The following WARS1 variants were observed in gnomAD, a reference collection of about 807,000 sequenced individuals.
WARS1 encodes the protein tryptophanyl-tRNA synthetase 1.
Under a neutral mutation model 47.8 loss-of-function variants are expected in WARS1, and 17 were observed. That is an observed-to-expected ratio of 0.36 (90% CI 0.24 to 0.53). The LOEUF (loss-of-function observed/expected upper bound fraction) is 0.53. Ranked by LOEUF, WARS1 falls within the 20% of genes least tolerant of loss-of-function variation. The pLI is 0.91. For missense variants in WARS1, 434 were observed against 608.0 expected (o/e 0.71, Z 3.01); for synonymous variants, 208 against 228.1 (o/e 0.91, Z 0.79).
chr14:100,353,331 A>C (rs1312715652), intron 6 of WARS1, among the ~76,000 whole-genome samples: 1 of 151,892 alleles, frequency 6.6e-6, no homozygotes, highest in Non-Finnish European at 1.5e-5. Context: ...ACTCACTGTA[A>C]CCTCCACCTC....
intron 7 of WARS1, 33 bp from the exon 8 acceptor site, chr14:100,343,420 G>A (rs1425656368): frequency 1.3e-6 from 2 of 1,532,004 alleles, no homozygotes; most frequent in Non-Finnish European, 1.8e-6. Context: ...TTACACGTGA[G>A]ATGAGTTCCT....
intron 2 of WARS1, among the ~76,000 whole-genome samples, chr14:100,367,126 G>A (rs1244812174): frequency 6.6e-6 from 1 of 152,028 alleles, no homozygotes; most frequent in Non-Finnish European, 1.5e-5. Flanking sequence ...AAACTTCAGG[G>A]AGCATACATG....
At chr14:100,357,876 C>T (rs1429170537) in intron 4 of WARS1, among the ~76,000 whole-genome samples, 3 of 152,050 alleles carry the variant, frequency 2.0e-5, no homozygotes, top group Admixed American at 6.5e-5. Context: ...CAAAGAAGTG[C>T]AAAACCTATA....
Position 100,361,775 on chromosome 14 carries a change from C to T in WARS1, c.246G>A (p.Glu82=). Residue 82 remains glutamate, a synonymous_variant, in exon 3 of 11, where the codon GAG becomes GAA. Coordinates refer to ENST00000392882, the MANE Select transcript of WARS1 (RefSeq NM_004184.4). ...GTACTGTCCATGGGTCCACAAAATC[C>T]TCTTCAGCTTCTGTGGCATCTGGGC... The part of the protein sequence containing the change: ...NHGPDATEAE[E]DFVDPWTVQT... The T allele has an allele frequency of 6.2e-7, 1 of 1,614,170 alleles. No individual in the cohort carries two copies. The highest frequency in any genetic ancestry group is 1.1e-5 in the South Asian group (1 of 91,084).
intron 9 of WARS1, among the ~76,000 whole-genome samples, chr14:100,337,825 G>A (rs1413548413): frequency 6.6e-6 from 1 of 151,942 alleles, no homozygotes; most frequent in African/African-American, 2.4e-5. Flanking sequence ...ATCACTGCAC[G>A]CCAGCCTCGG....
intron 7 of WARS1, 89 bp downstream of exon 7, chr14:100,346,657 A>T: frequency 9.2e-7 from 1 of 1,085,742 alleles, no homozygotes; most frequent in South Asian, 1.3e-5. Flanking sequence ...CATCTCAGAG[A>T]TATTTAAACC....
chr14:100,341,068 C>T (rs1595409503), intron 9 of WARS1, among the ~76,000 whole-genome samples: 1 of 152,096 alleles, frequency 6.6e-6, no homozygotes, highest in South Asian at 2.1e-4. Context: ...GTGCCTGCCA[C>T]CAAGCCTGGT....
At chr14:100,346,934 G>T in intron 6 of WARS1, 88 bp from the exon 7 acceptor site, 1 of 1,170,378 alleles carries the variant, frequency 8.5e-7, no homozygotes, top group Non-Finnish European at 1.3e-6. Flanking sequence ...ATGCCAATGA[G>T]TAGTGGCATG....
chr14:100,342,592 C>T (rs779267052), intron 8 of WARS1, 21 bp from the exon 9 acceptor site: 1 of 1,590,786 alleles, frequency 6.3e-7, no homozygotes, highest in Non-Finnish European at 8.6e-7. Context: ...AGTAAGGACC[C>T]TGATGAGGGC....
intron 7 of WARS1, among the ~76,000 whole-genome samples, chr14:100,345,829 G>A (rs930810219): frequency 4.6e-5 from 7 of 152,222 alleles, no homozygotes; most frequent in Admixed American, 2.6e-4. Context: ...GTGGTGCCAC[G>A]CCAGCCCCCA....
intron 10 of WARS1, among the ~76,000 whole-genome samples, chr14:100,336,310 G>T (rs969796747): frequency 6.6e-6 from 1 of 150,606 alleles, no homozygotes; most frequent in African/African-American, 2.4e-5. Context: ...TGAGGGTCTT[G>T]CTATGTCGCC....
intron 9 of WARS1, among the ~76,000 whole-genome samples, chr14:100,339,102 A>ATC (rs1451377182): frequency 2.0e-4 from 8 of 39,078 alleles, no homozygotes; most frequent in Non-Finnish European, 3.0e-4. Context: ...GTGAAACTCC[A>ATC]TCACACACAC....
rs549412621 is a variant in WARS1, at chr14:100,343,511, T to C, written c.827-124A>G. The C allele has an allele frequency of 1.1e-4, 69 of 650,764 alleles. 1 individual carries two copies. Among genetic ancestry groups the C allele is most frequent in the African/African-American group, 5.8e-4 (31 of 53,714 alleles). The allele number at this position is 650,764 out of a possible 1,614,324, so 40.3% of individuals were successfully genotyped here. A position where few individuals can be genotyped will look rare whatever the true frequency, so the allele number is the denominator to read the frequency against. Reference sequence around the variant, plus strand: ...CAATCATTAAAATAAATCTAAAAAATACAGAAAAGTAGAAAGAACAAGCTG... The same window carrying C: ...CAATCATTAAAATAAATCTAAAAAACACAGAAAAGTAGAAAGAACAAGCTG... On this transcript the variant is annotated intron_variant, in intron 7 of 10. Coordinates refer to ENST00000392882, the MANE Select transcript of WARS1 (RefSeq NM_004184.4).
At chr14:100,360,509 AAAG>A (rs1895594912) in intron 4 of WARS1, 42 bp downstream of exon 4, 2 of 1,482,064 alleles carry the variant, frequency 1.3e-6, no homozygotes, top group Admixed American at 2.0e-5. Context: ...TTTTGAACTA[AAAG>A]AAGAGGACAG....
rs535698434 is a variant in WARS1 at position 100,335,733 on chromosome 14, G to A, written c.1255-697C>T. The stretch of plus-strand genomic sequence containing the variant: ...TCTGATTGTACTGCATGCTCATTAA[G>A]CAAATTTAATAAAGTACCCAAACCA... On this transcript the variant is annotated intron_variant, in intron 10 of 10. Transcript: ENST00000392882. Among the ~76,000 whole-genome samples the A allele has an allele frequency of 9.9e-5, 15 of 152,190 alleles. No individual in the cohort carries two copies. In the South Asian group the frequency reaches 3.1e-3, roughly 32 times the overall value.
chr14:100,343,912 C>T (rs563651176), intron 7 of WARS1, among the ~76,000 whole-genome samples: 1 of 152,322 alleles, frequency 6.6e-6, no homozygotes, highest in East Asian at 1.9e-4. Context: ...GGATTACAGG[C>T]GTGAGCCACG....
chr14:100,342,727 T>A (rs981315565), intron 8 of WARS1, among the ~76,000 whole-genome samples, 156 bp from the exon 9 acceptor site: 12 of 151,288 alleles, frequency 7.9e-5, no homozygotes, highest in South Asian at 4.2e-4. Context: ...TTTTTTTTTT[T>A]AAATTTTACT....
At chr14:100,341,275 T>A (rs1024063728) in intron 9 of WARS1, among the ~76,000 whole-genome samples, 8 of 152,184 alleles carry the variant, frequency 5.3e-5, no homozygotes, top group African/African-American at 1.9e-4. Context: ...ACTTTTCCAA[T>A]GGCGCTTCCC....
intron 7 of WARS1, among the ~76,000 whole-genome samples, chr14:100,345,777 A>C (rs1433929916): frequency 2.0e-5 from 3 of 152,208 alleles, no homozygotes; most frequent in Non-Finnish European, 4.4e-5. Flanking sequence ...ATTTGCTTAG[A>C]CCTGCAGAAG....
Sources: gnomAD v4.1 joint callset for allele counts (sites outside exome capture counted in the v4.1 genomes callset) on GRCh38, gnomAD v4.1.1 for gene constraint, MANE v1.5 for transcripts, NCBI Gene and HGNC (gene_info 2026-07-23, HGNC 2026-07-21) for gene names.